The following MYO5B variants were observed in gnomAD, a reference collection of about 807,000 sequenced individuals.
The protein encoded by MYO5B is myosin VB.
Under a neutral mutation model 229.3 loss-of-function variants are expected in MYO5B, and 143 were observed. That is an observed-to-expected ratio of 0.62 (90% CI 0.54 to 0.72). The LOEUF (loss-of-function observed/expected upper bound fraction) is 0.72. Ranked by LOEUF, MYO5B falls within the 30% of genes least tolerant of loss-of-function variation. MYO5B has a pLI of 0.00. For missense variants in MYO5B, 2,321 were observed against 2,331.0 expected (o/e 1.00, Z 0.09); for synonymous variants, 918 against 885.2 (o/e 1.04, Z -0.66).
intron 23 of MYO5B, among the ~76,000 whole-genome samples, chr18:49,880,130 C>T (rs2024570418): frequency 6.6e-6 from 1 of 152,208 alleles, no homozygotes; most frequent in African/African-American, 2.4e-5. Context: ...AAGTGCGGGC[C>T]TCCCTGACTC....
At chr18:49,866,066 T>C (rs1453887070) in intron 27 of MYO5B, among the ~76,000 whole-genome samples, 1 of 152,148 alleles carries the variant, frequency 6.6e-6, no homozygotes, top group Non-Finnish European at 1.5e-5. Context: ...AAATTAGCCA[T>C]CTAACCTATT....
chr18:49,941,279 T>G (rs1278930335), intron 14 of MYO5B, among the ~76,000 whole-genome samples: 1 of 152,088 alleles, frequency 6.6e-6, no homozygotes, highest in African/African-American at 2.4e-5. Context: ...CTAAGTTCAG[T>G]CTAAAAGCAC....
At position 49,953,243 on chromosome 18, in the gene MYO5B, C is replaced by G; in HGVS notation, c.1752+17G>C. ...GTGGGCATTCCTGCTCCACTCCCCA[C>G]TTCTGACACTCTTTACCTTGCTGGC... On this transcript the variant is annotated intron_variant, in intron 14 of 39. Transcript: ENST00000285039. The G allele has an allele frequency of 1.2e-6, 2 of 1,612,262 alleles. No individual in the cohort carries two copies. The highest frequency in any genetic ancestry group is 1.7e-6 in the Non-Finnish European group (2 of 1,178,320).
intron 17 of MYO5B, among the ~76,000 whole-genome samples, chr18:49,920,181 G>A (rs1310321210): frequency 2.6e-5 from 4 of 152,160 alleles, no homozygotes; most frequent in Non-Finnish European, 5.9e-5. Context: ...TGGACACAGG[G>A]TTTCCTTTTG....
At chr18:50,066,781 A>G (rs1409744405) in intron 1 of MYO5B, among the ~76,000 whole-genome samples, 1 of 152,176 alleles carries the variant, frequency 6.6e-6, no homozygotes, top group Non-Finnish European at 1.5e-5. Flanking sequence ...CCTGCTTCTG[A>G]GATGAATTAC....
At chr18:50,077,406 A>G (rs1490412173) in intron 1 of MYO5B, among the ~76,000 whole-genome samples, 1 of 151,694 alleles carries the variant, frequency 6.6e-6, no homozygotes, top group African/African-American at 2.4e-5. Context: ...TTAGGCTGTA[A>G]CTCAGAGTGG....
chr18:49,936,528 G>A (rs1351194178), intron 15 of MYO5B, among the ~76,000 whole-genome samples, 179 bp from the exon 16 acceptor site: 3 of 152,148 alleles, frequency 2.0e-5, no homozygotes, highest in Non-Finnish European at 2.9e-5. Flanking sequence ...ATCTTGCTGT[G>A]ACCAAAATCA....
intron 17 of MYO5B, among the ~76,000 whole-genome samples, chr18:49,919,625 T>A (rs966949566): frequency 6.6e-6 from 1 of 152,144 alleles, no homozygotes; most frequent in Admixed American, 6.5e-5. Context: ...ACAAGATACC[T>A]CTTCACACCC....
intron 31 of MYO5B, chr18:49,850,787 C>T (rs2024191128): frequency 6.5e-6 from 1 of 152,672 alleles, no homozygotes; most frequent in Non-Finnish European, 1.5e-5. Context: ...CCTGGCTCCC[C>T]AGCTCCGCTG....
At position 50,021,718 on chromosome 18, in the gene MYO5B, T is replaced by TTAA. The variant is rs1555651875; in HGVS notation, c.455+15131_455+15132insTTA. 3.6e-3 allele frequency among the ~76,000 whole-genome samples: 434 copies of TTAA among 119,568 alleles called. 4 individuals are homozygous for TTAA. The highest frequency in any genetic ancestry group is 0.014 in the African/African-American group (419 of 30,914). 78.4% of individuals were successfully genotyped at this position (119,568 alleles called of 152,430 possible). ...TCCACAACACCCCATCCCATCTGCG[T>TTAA]AAAAAAAAAAAAAAAAAAAATCTTA... On this transcript the variant is annotated intron_variant, in intron 4 of 39. Transcript: ENST00000285039.
At chr18:50,049,856 A>G (rs1394881378) in intron 2 of MYO5B, among the ~76,000 whole-genome samples, 2 of 152,042 alleles carry the variant, frequency 1.3e-5, no homozygotes, top group Non-Finnish European at 2.9e-5. Flanking sequence ...AATAAATTAG[A>G]GCTTCAAGGG....
intron 9 of MYO5B, among the ~76,000 whole-genome samples, chr18:49,977,561 T>C (rs1411944268): frequency 1.3e-5 from 2 of 152,046 alleles, no homozygotes; most frequent in African/African-American, 4.8e-5. Flanking sequence ...AGGGCACCAA[T>C]GGGGCTCACC....
At chr18:50,066,483 T>C (rs1255170749) in intron 1 of MYO5B, among the ~76,000 whole-genome samples, 2 of 152,238 alleles carry the variant, frequency 1.3e-5, no homozygotes, top group Non-Finnish European at 2.9e-5. Context: ...ACTTTTTTCA[T>C]TGCATAAGGC....
chr18:50,144,611 C>T (rs1018077487), intron 1 of MYO5B, among the ~76,000 whole-genome samples: 2 of 152,146 alleles, frequency 1.3e-5, no homozygotes, highest in African/African-American at 4.8e-5. Flanking sequence ...GGAAATAACC[C>T]CCAAAAGACC....
At chr18:50,093,325 G>A (rs1408058213) in intron 1 of MYO5B, among the ~76,000 whole-genome samples, 2 of 152,032 alleles carry the variant, frequency 1.3e-5, no homozygotes, top group Non-Finnish European at 2.9e-5. Flanking sequence ...ATGAACCCTC[G>A]AGAGCAACTT....
At chr18:50,018,712 G>A (rs1413462229) in intron 4 of MYO5B, among the ~76,000 whole-genome samples, 1 of 152,130 alleles carries the variant, frequency 6.6e-6, no homozygotes, top group Non-Finnish European at 1.5e-5. Context: ...CTGGCATCCA[G>A]GCTCTAAGCT....
At chr18:49,890,082 C>G (rs1355605286) in intron 22 of MYO5B, among the ~76,000 whole-genome samples, 1 of 152,150 alleles carries the variant, frequency 6.6e-6, no homozygotes, top group East Asian at 1.9e-4. Flanking sequence ...AGGAAAGGAC[C>G]AATCCCACAC....
intron 10 of MYO5B, among the ~76,000 whole-genome samples, chr18:49,968,322 A>G (rs564214882): frequency 3.3e-5 from 5 of 152,356 alleles, no homozygotes. Context: ...TACAGGGAGA[A>G]GGCCTGGAAA....
At chr18:50,178,601 T>C (rs2033029328) in intron 1 of MYO5B, among the ~76,000 whole-genome samples, 1 of 152,212 alleles carries the variant, frequency 6.6e-6, no homozygotes, top group South Asian at 2.1e-4. Flanking sequence ...AAAACAGTTA[T>C]AACCTAAATA....
Sources: gnomAD v4.1 joint callset for allele counts (sites outside exome capture counted in the v4.1 genomes callset) on GRCh38, gnomAD v4.1.1 for gene constraint, MANE v1.5 for transcripts, NCBI Gene and HGNC (gene_info 2026-07-23, HGNC 2026-07-21) for gene names.